Variants in RIN2 observed in about 807,000 individuals in gnomAD.
RIN2 encodes the protein Ras and Rab interactor 2.
RIN2 carries 36 observed loss-of-function variants against 78.0 expected under a neutral mutation model. That is an observed-to-expected ratio of 0.46 (90% CI 0.35 to 0.61). The LOEUF (loss-of-function observed/expected upper bound fraction) is 0.61. Ranked by LOEUF, RIN2 falls within the 20% of genes least tolerant of loss-of-function variation. The pLI is 0.00. For synonymous variants in RIN2, 466 were observed against 466.8 expected (o/e 1.00, Z 0.02); for missense variants, 1,087 against 1,159.7 (o/e 0.94, Z 0.91).
At chr20:19,997,643 C>T (rs188557306) in intron 12 of RIN2, among the ~76,000 whole-genome samples, 1,557 of 152,110 alleles carry the variant, frequency 0.01, 13 homozygotes, top group Non-Finnish European at 0.016. Context: ...CCTGTAATCC[C>T]AGCTACTTGG....
intron 3 of RIN2, among the ~76,000 whole-genome samples, chr20:19,923,679 T>C (rs1255910545): frequency 2.6e-5 from 4 of 152,098 alleles, no homozygotes; most frequent in Non-Finnish European, 5.9e-5. Context: ...TACCATTTAC[T>C]AATTAGAACT....
chr20:19,916,329 A>T (rs182559394), intron 3 of RIN2, among the ~76,000 whole-genome samples: 4 of 152,210 alleles, frequency 2.6e-5, no homozygotes, highest in Admixed American at 2.6e-4. Context: ...TTTCTTTAAG[A>T]GTTTGGGGGC....
At chr20:19,969,798 G>C (rs1426584096) in intron 7 of RIN2, among the ~76,000 whole-genome samples, 1 of 151,998 alleles carries the variant, frequency 6.6e-6, no homozygotes, top group East Asian at 1.9e-4. Flanking sequence ...CCTCCTTTTT[G>C]ATTAAGTCAC....
intron 2 of RIN2, among the ~76,000 whole-genome samples, chr20:19,819,734 A>G (rs1194100514): frequency 3.9e-5 from 6 of 152,066 alleles, no homozygotes; most frequent in Admixed American, 1.3e-4. Context: ...GGGTCTCACT[A>G]TGTTGCCTGG....
intron 4 of RIN2, among the ~76,000 whole-genome samples, chr20:19,944,709 A>G (rs1191449643): frequency 6.6e-6 from 1 of 151,078 alleles, no homozygotes; most frequent in Admixed American, 6.6e-5. Flanking sequence ...TTCTTTTTCC[A>G]TCTGAAAGTT....
intron 2 of RIN2, among the ~76,000 whole-genome samples, chr20:19,879,448 G>C (rs1217647439): frequency 6.6e-6 from 1 of 152,160 alleles, no homozygotes; most frequent in African/African-American, 2.4e-5. Flanking sequence ...TTGTTATTTT[G>C]ATATTAGACA....
chr20:19,941,492 A>T (rs1330909570), intron 4 of RIN2, among the ~76,000 whole-genome samples: 1 of 152,160 alleles, frequency 6.6e-6, no homozygotes, highest in African/African-American at 2.4e-5. Context: ...GTAAAACATA[A>T]CTCAGCAAAA....
intron 3 of RIN2, among the ~76,000 whole-genome samples, chr20:19,903,349 G>A (rs910210142): frequency 6.6e-6 from 1 of 152,094 alleles, no homozygotes; most frequent in Non-Finnish European, 1.5e-5. Context: ...TCAGCATCCT[G>A]GTTTCTGTTC....
At chr20:19,910,600 ACT>A (rs2039422138) in intron 3 of RIN2, among the ~76,000 whole-genome samples, 2 of 131,106 alleles carry the variant, frequency 1.5e-5, no homozygotes, top group African/African-American at 5.9e-5. Flanking sequence ...ATGGAGTCTC[ACT>A]CTGTCACCCA....
chr20:19,980,453 G>A (rs989398663), intron 9 of RIN2, among the ~76,000 whole-genome samples: 4 of 152,152 alleles, frequency 2.6e-5, no homozygotes, highest in African/African-American at 7.2e-5. Context: ...GCACAAGGGG[G>A]CTGTTAGCTC....
Position 19,781,616 on chromosome 20 carries a change from C to T in RIN2, c.-162-18006C>T, listed in dbSNP as rs567962575. 2.7e-3 allele frequency among the ~76,000 whole-genome samples: 409 copies of T among 152,176 alleles called. 1 individual carries two copies. Among genetic ancestry groups the T allele is most frequent in the African/African-American group, 9.2e-3 (383 of 41,528 alleles). ...CTAATTTTTATATTTTTAGTAGAGA[C>T]GGGGTTTCACCATGTTGGCCAGGCT... On this transcript the variant is annotated intron_variant, in intron 1 of 12. Transcript: ENST00000255006.
Position 19,996,564 on chromosome 20 carries a change from G to C in RIN2, c.2201-115G>C, listed in dbSNP as rs1036453064. 1.2e-5 allele frequency: 12 copies of C among 1,019,380 alleles called. No individual in the cohort carries two copies. The African/African-American group carries it at 1.7e-4, about 15-fold the overall frequency. The allele number at this position is 1,019,380 out of a possible 1,614,324, so 63.1% of individuals were successfully genotyped here. On this transcript the variant is annotated intron_variant, in intron 11 of 12. Coordinates refer to ENST00000255006, the MANE Select transcript of RIN2 (RefSeq NM_018993.4). ...TGCTTCTGTGATCCCACAAGGAAAT[G>C]CATGTTGAAGAAATACTAAAAATAC...
chr20:19,778,351 C>T (rs752739414), intron 1 of RIN2, among the ~76,000 whole-genome samples: 18 of 152,314 alleles, frequency 1.2e-4, no homozygotes, highest in South Asian at 8.3e-4. Flanking sequence ...AAAGTATGTG[C>T]CCAAGTCCTT....
chr20:19,829,250 A>T (rs1195461009), intron 2 of RIN2, among the ~76,000 whole-genome samples: 1 of 152,188 alleles, frequency 6.6e-6, no homozygotes, highest in Non-Finnish European at 1.5e-5. Context: ...ACAGAAGAGA[A>T]GATGAGCAGT....
Position 19,975,917 on chromosome 20 carries a change from G to C in RIN2, c.1762+130G>C. On this transcript the variant is annotated intron_variant, in intron 9 of 12. Transcript: ENST00000255006. This position sits in a 1 kb window ranked among gnomAD's most constrained non-coding sequence, Gnocchi z 4.9. ...ACACCCAGCTCCACCTTCTCTCCCG[G>C]TTTGAATGGAAAAATCAGTTTCTCA... is the stretch of plus-strand genomic sequence containing the variant. 1 of 891,726 alleles carries C rather than the reference G, an allele frequency of 1.1e-6. No individual in the cohort carries two copies. The highest frequency in any genetic ancestry group is 1.8e-6 in the Non-Finnish European group (1 of 562,902). The allele number at this position is 891,726 out of a possible 1,614,324, so 55.2% of individuals were successfully genotyped here.
intron 11 of RIN2, among the ~76,000 whole-genome samples, chr20:19,995,274 A>AAC (rs894372514): frequency 1.3e-5 from 2 of 151,200 alleles, no homozygotes; most frequent in Non-Finnish European, 2.9e-5. Context: ...AAAAAAAAAA[A>AAC]AAAACAAAAC....
chr20:19,938,055 C>A (rs1306700723), intron 4 of RIN2, among the ~76,000 whole-genome samples: 1 of 152,198 alleles, frequency 6.6e-6, no homozygotes, highest in Non-Finnish European at 1.5e-5. Flanking sequence ...GGGACATTTG[C>A]TTGGCTTGGC....
chr20:19,974,683 C>T lies in RIN2; in HGVS notation c.658C>T (p.Pro220Ser), dbSNP rs780665287. 5 of 1,613,660 alleles carry T rather than the reference C, an allele frequency of 3.1e-6. No individual in the cohort carries two copies. The highest frequency in any genetic ancestry group is 3.3e-5 in the Admixed American group (2 of 60,018). Reference protein sequence around the residue: ...NFWSSPADSKPPNLPPPHRPL... With the variant: ...NFWSSPADSKSPNLPPPHRPL... ...CTGGAGCTCCCCAGCTGACAGCAAA[C>T]CCCCGAACCTTCCACCTCCCCATAG... The change falls in exon 9 of 13, where the codon CCC becomes TCC. Residue 220 changes from proline (P) to serine (S), a missense_variant. Around this residue, in one of 8 missense-constraint regions of RIN2, gnomAD observed 706 missense variants for 667.5 expected, o/e 1.06. Coordinates refer to ENST00000255006, the MANE Select transcript of RIN2 (RefSeq NM_018993.4).
chr20:19,969,474 C>A (rs2042037823), intron 7 of RIN2, among the ~76,000 whole-genome samples: 2 of 152,176 alleles, frequency 1.3e-5, no homozygotes, highest in Non-Finnish European at 2.9e-5. Context: ...TCAAATGCTG[C>A]CTGCTCACGA....
Sources: gnomAD v4.1 joint callset for allele counts (sites outside exome capture counted in the v4.1 genomes callset) on GRCh38, gnomAD v4.1.1 for gene constraint, gnomAD v4.1.1 regional missense constraint, Gnocchi (gnomAD v3.1) non-coding constraint, MANE v1.5 for transcripts, NCBI Gene and HGNC (gene_info 2026-07-23, HGNC 2026-07-21) for gene names.